Variants in DDX10 observed in about 807,000 individuals in gnomAD.
DDX10 encodes DEAD-box helicase 10, also known as probable ATP-dependent RNA helicase DDX10.
DDX10 carries 74 observed loss-of-function variants against 104.3 expected under a neutral mutation model. The ratio of observed to expected loss-of-function variants is 0.71; its 90% CI spans 0.59 to 0.86. The LOEUF is 0.86. Ranked by LOEUF, DDX10 falls within the 40% of genes least tolerant of loss-of-function variation. The probability of loss-of-function intolerance (pLI) is 0.00; values close to 1 mark genes in which losing one functional copy is unlikely to be tolerated. For missense variants in DDX10, 952 were observed against 1,040.0 expected, an observed-to-expected ratio of 0.92 and a Z score of 1.16; for synonymous variants, 351 against 353.4, an observed-to-expected ratio of 0.99 and a Z score of 0.08.
chr11:108,930,080 G>C (rs921195976), intron 17 of DDX10, among the ~76,000 whole-genome samples: 1 of 152,174 alleles, frequency 6.6e-6, no homozygotes, highest in African/African-American at 2.4e-5. Flanking sequence ...TTTGACAAAT[G>C]TATAATGTCA....
intron 13 of DDX10, among the ~76,000 whole-genome samples, chr11:108,759,386 G>A (rs1176087033): frequency 6.6e-6 from 1 of 151,892 alleles, no homozygotes; most frequent in African/African-American, 2.4e-5. Flanking sequence ...GTACTCCACT[G>A]GTTTGTGTGA....
At chr11:108,911,366 A>G (rs543408229) in intron 16 of DDX10, among the ~76,000 whole-genome samples, 9 of 152,124 alleles carry the variant, frequency 5.9e-5, no homozygotes, top group Non-Finnish European at 1.0e-4. Context: ...GTCAAAGATC[A>G]AGGTGCCAGC....
At chr11:108,765,550 A>G (rs1387353957) in intron 13 of DDX10, among the ~76,000 whole-genome samples, 1 of 152,234 alleles carries the variant, frequency 6.6e-6, no homozygotes, top group Non-Finnish European at 1.5e-5. Context: ...AAAATGCAAT[A>G]AAATATTTCG....
At chr11:108,845,177 C>T (rs7944806) in intron 15 of DDX10, among the ~76,000 whole-genome samples, 7,382 of 152,238 alleles carry the variant, frequency 0.048, 198 homozygotes, top group South Asian at 0.088. Context: ...CACTGTACTC[C>T]AGCCTGGGCG....
chr11:108,777,339 T>G (rs2094371231), intron 13 of DDX10, among the ~76,000 whole-genome samples: 1 of 152,156 alleles, frequency 6.6e-6, no homozygotes, highest in Non-Finnish European at 1.5e-5. Context: ...TTTCTTTTTC[T>G]TTTCTTTTGA....
intron 13 of DDX10, among the ~76,000 whole-genome samples, chr11:108,769,785 G>A (rs956464450): frequency 6.6e-6 from 1 of 152,006 alleles, no homozygotes; most frequent in African/African-American, 2.4e-5. Context: ...TTATTGAGGG[G>A]CTCCAAAGAG....
At chr11:108,898,159 A>G (rs1244256169) in intron 16 of DDX10, among the ~76,000 whole-genome samples, 1 of 152,130 alleles carries the variant, frequency 6.6e-6, no homozygotes, top group East Asian at 1.9e-4. Context: ...TCACAGACCC[A>G]TTAATCCATG....
intron 13 of DDX10, among the ~76,000 whole-genome samples, chr11:108,743,936 G>C (rs1024593161): frequency 1.1e-4 from 16 of 152,102 alleles, no homozygotes; most frequent in Non-Finnish European, 1.8e-4. Context: ...TTCCTTTTGA[G>C]ACATTTAAAT....
At chr11:108,834,906 C>T (rs961618513) in intron 13 of DDX10, among the ~76,000 whole-genome samples, 14 of 120,302 alleles carry the variant, frequency 1.2e-4, no homozygotes, top group Non-Finnish European at 1.9e-4. Context: ...CCAGCCTGGG[C>T]GACTGAGCAA....
At chr11:108,752,056 G>T (rs1341866029) in intron 13 of DDX10, among the ~76,000 whole-genome samples, 1 of 152,104 alleles carries the variant, frequency 6.6e-6, no homozygotes, top group Admixed American at 6.6e-5. Context: ...TGGTTCTAGA[G>T]CTCTCTCTCC....
chr11:108,744,839 C>T (rs946825351), intron 13 of DDX10, among the ~76,000 whole-genome samples: 9 of 152,066 alleles, frequency 5.9e-5, no homozygotes, highest in Non-Finnish European at 1.0e-4. Context: ...AACTTTGGGG[C>T]TAGAATCTTG....
intron 16 of DDX10, among the ~76,000 whole-genome samples, chr11:108,876,418 A>T (rs1378239649): frequency 1.3e-5 from 2 of 152,206 alleles, no homozygotes; most frequent in African/African-American, 4.8e-5. Context: ...CCTCTATGCC[A>T]CATCAGCAGA....
intron 16 of DDX10, among the ~76,000 whole-genome samples, chr11:108,874,753 C>G (rs1196874517): frequency 6.6e-6 from 1 of 152,050 alleles, no homozygotes; most frequent in East Asian, 1.9e-4. Flanking sequence ...CCTAACAAAT[C>G]CAGCCTTACT....
chr11:108,693,402 T>C (rs1446301871), intron 8 of DDX10, 114 bp from the exon 9 acceptor site: 6 of 786,760 alleles, frequency 7.6e-6, no homozygotes, highest in South Asian at 5.5e-5. Flanking sequence ...TCATAGATGA[T>C]ATCCATCAGT....
At chr11:108,836,734 C>G (rs1194346545) in intron 13 of DDX10, among the ~76,000 whole-genome samples, 1 of 152,200 alleles carries the variant, frequency 6.6e-6, no homozygotes, top group Non-Finnish European at 1.5e-5. Flanking sequence ...AGTGATCCAT[C>G]TGCCTCTGCC....
At chr11:108,930,581 C>T (rs892130839) in intron 17 of DDX10, among the ~76,000 whole-genome samples, 1 of 152,184 alleles carries the variant, frequency 6.6e-6, no homozygotes, top group Non-Finnish European at 1.5e-5. Flanking sequence ...AACTCTCTTC[C>T]GAAGTGGCTG....
intron 6 of DDX10, among the ~76,000 whole-genome samples, chr11:108,679,838 C>T (rs1027482765): frequency 6.6e-6 from 1 of 152,144 alleles, no homozygotes; most frequent in Non-Finnish European, 1.5e-5. Context: ...AACACTACCT[C>T]TTAATAAACG....
At position 108,719,794 on chromosome 11, in the gene DDX10, C is replaced by T; in HGVS notation, c.1411-3C>T. ...TTGTACTTTTCAACCTCTTAATTTA[C>T]AGTGTTTCGTCTCCTATGTACGATC... On this transcript the variant is annotated splice_polypyrimidine_tract_variant and splice_region_variant and intron_variant, in intron 11 of 17. Coordinates refer to ENST00000322536, the MANE Select transcript of DDX10 (RefSeq NM_004398.4). 6 of 1,570,854 alleles carry T rather than the reference C, an allele frequency of 3.8e-6. No homozygotes were observed. Among genetic ancestry groups the T allele is most frequent in the Middle Eastern group, 1.7e-4 (1 of 5,978 alleles).
At chr11:108,666,468 G>A (rs2094210298) in intron 1 of DDX10, among the ~76,000 whole-genome samples, 1 of 152,162 alleles carries the variant, frequency 6.6e-6, no homozygotes, top group Admixed American at 6.5e-5. Context: ...TGACATGAGT[G>A]AGACTCTGTC....
Sources: allele counts gnomAD v4.1 joint callset (sites outside exome capture counted in the v4.1 genomes callset), GRCh38; gene constraint gnomAD v4.1.1; transcripts MANE v1.5; gene names NCBI Gene and HGNC (gene_info 2026-07-23, HGNC 2026-07-21).